PSME2: variants seen among roughly 807,000 people sequenced by gnomAD.
The protein encoded by PSME2 is proteasome activator complex subunit 2.
A neutral mutation model predicts 38.8 loss-of-function variants in PSME2; 20 were observed. The observed-to-expected ratio is 0.52, with a 90% confidence interval of 0.36 to 0.75. The LOEUF is 0.75. PSME2 is among the 30% of genes least tolerant of loss of function. PSME2 has a pLI of 0.00. For missense variants in PSME2, 227 were observed against 287.6 expected (o/e 0.79, Z 1.52); for synonymous variants, 82 against 102.5 (o/e 0.80, Z 1.21).
chr14:24,146,388 G>A, intron 1 of PSME2, 146 bp downstream of exon 1: 1 of 1,420,832 alleles, frequency 7.0e-7, no homozygotes, highest in Non-Finnish European at 9.8e-7. Context: ...GCAGTCAGAA[G>A]GCAGGAATCT....
chr14:24,146,483 T>TCC (rs750320567), intron 1 of PSME2, 51 bp downstream of exon 1: 1 of 1,611,534 alleles, frequency 6.2e-7, no homozygotes, highest in African/African-American at 1.3e-5. Flanking sequence ...CAGCTTGGCC[T>TCC]CCACCCAAGA....
Position 24,143,706 on chromosome 14 carries a change from T to C in PSME2, c.553-35A>G. 2 of 1,595,028 alleles carry C rather than the reference T, an allele frequency of 1.3e-6. No homozygotes were observed. Among genetic ancestry groups the C allele is most frequent in the Non-Finnish European group, 1.7e-6 (2 of 1,163,174 alleles). Reference sequence around the variant, plus strand: ...GGGAGGCAAAGCTGAGTCAGTCCCATGGGAGGCTGGGACATGAGTCTGGTT... The same window carrying C: ...GGGAGGCAAAGCTGAGTCAGTCCCACGGGAGGCTGGGACATGAGTCTGGTT... On this transcript the variant is annotated intron_variant, in intron 9 of 10. Transcript: ENST00000216802. This position sits in a 1 kb window ranked among gnomAD's most constrained non-coding sequence, Gnocchi z 4.4.
chr14:24,144,143 A>T, intron 8 of PSME2, 49 bp downstream of exon 8: 2 of 1,613,206 alleles, frequency 1.2e-6, no homozygotes, highest in Non-Finnish European at 1.7e-6. Context: ...TGGGGGTCCC[A>T]AAGAAATGCT....
rs1286545379 is a variant in PSME2, at chr14:24,146,556, A to C, written c.26T>G (p.Leu9Arg). MAKPCGVR[L>R]SGEARKQVEV... ...TACCTGTTTGCGGGCTTCCCCGCTC[A>C]GGCGCACCCCACACGGCTTGGCCAT... The change falls in exon 1 of 11, where the codon CTG becomes CGG. Residue 9 changes from leucine to arginine, a missense_variant. Coordinates refer to ENST00000216802, the MANE Select transcript of PSME2 (RefSeq NM_002818.3). 1 of 1,613,860 alleles carries C rather than the reference A, an allele frequency of 6.2e-7. No individual in the cohort carries two copies. The highest frequency in any genetic ancestry group is 8.5e-7 in the Non-Finnish European group (1 of 1,180,022).
Position 24,143,559 on chromosome 14 carries a change from C to CCACACTTAG in PSME2, c.639+25_639+26insCTAAGTGTG. 1 of 1,613,560 alleles carries CCACACTTAG rather than the reference C, an allele frequency of 6.2e-7. No homozygotes were observed. ...CCTGCCTGCCCCCACTCATCCACCT[C>CCACACTTAG]CCCTAAAGCCTTACTCCACACTCAC... On this transcript the variant is annotated intron_variant, in intron 10 of 10. Coordinates refer to ENST00000216802, the MANE Select transcript of PSME2 (RefSeq NM_002818.3). This position sits in a 1 kb window ranked among gnomAD's most constrained non-coding sequence, Gnocchi z 4.4.
intron 1 of PSME2, 93 bp from the exon 2 acceptor site, chr14:24,146,333 C>T: frequency 6.6e-7 from 1 of 1,516,026 alleles, no homozygotes; most frequent in Non-Finnish European, 9.1e-7. Context: ...GTGGCTCAGG[C>T]CTTTCTCACC....
At chr14:24,144,301 C>T (rs118166119) in intron 7 of PSME2, 42 bp from the exon 8 acceptor site, 32,753 of 1,612,448 alleles carry the variant, frequency 0.02, 396 homozygotes, top group Middle Eastern at 0.026. Context: ...TCATGTCCTC[C>T]CCATTTCATA....
In PSME2 at chr14:24,145,130, C is replaced by T; in HGVS notation, c.288G>A (p.Gly96=). The change falls in exon 6 of 11, where the codon GGG becomes GGA. Residue 96 remains glycine, a synonymous_variant. Transcript: ENST00000216802. ...KEVHKCGFLP[G]NEKVLSLLAL... Reference sequence around the variant, plus strand: ...CAAGCAGGGACAGGACTTTCTCATTCCCAGGGAGAAATCCACACTTATGGA... The same window carrying T: ...CAAGCAGGGACAGGACTTTCTCATTTCCAGGGAGAAATCCACACTTATGGA... 1 of 1,613,668 alleles carries T rather than the reference C, an allele frequency of 6.2e-7. No homozygotes were observed. The highest frequency in any genetic ancestry group is 8.5e-7 in the Non-Finnish European group (1 of 1,179,666).
chr14:24,145,221 A>G (rs779227996), intron 5 of PSME2, 22 bp downstream of exon 5: 1 of 1,613,626 alleles, frequency 6.2e-7, no homozygotes, highest in Non-Finnish European at 8.5e-7. Context: ...CCCCTTCCCT[A>G]GTCACCTCTT....
chr14:24,145,797 G>T (rs1196713295), intron 2 of PSME2, 25 bp from the exon 3 acceptor site: 12 of 1,599,962 alleles, frequency 7.5e-6, no homozygotes, highest in Middle Eastern at 1.7e-4. Context: ...GCAAGGGAGG[G>T]GAATCACAGA....
At position 24,146,363 on chromosome 14, in the gene PSME2, A is replaced by T. The variant is rs1423565568; in HGVS notation, c.49-123T>A. The T allele has an allele frequency of 4.8e-6, 7 of 1,453,256 alleles. No individual in the cohort carries two copies. In the Admixed American group the frequency reaches 1.2e-4, roughly 26 times the overall value. The allele number at this position is 1,453,256 out of a possible 1,614,324, so 90.0% of individuals were successfully genotyped here. ...CTCACCACAAACTAGCTTTCCCTGG[A>T]AGCTCCTGCTCACTGCAGTCAGAAG... On this transcript the variant is annotated intron_variant, in intron 1 of 10. Transcript: ENST00000216802.
chr14:24,143,981 A>G lies in PSME2; in HGVS notation c.546T>C (p.Thr182=), dbSNP rs2038114348. ...GDAVAKASKE[T]HVMDYRALVH... ...TGGTGGACTATCCACTCACTACATG[A>G]GTCTCCTTGGAGGCCTTGGCCACAG... Residue 182 remains threonine, a synonymous_variant, in exon 9 of 11, where the codon ACT becomes ACC. Transcript: ENST00000216802. This position sits in a 1 kb window ranked among gnomAD's most constrained non-coding sequence, Gnocchi z 4.4. 6.2e-7 allele frequency: 1 copy of G among 1,614,078 alleles called. No individual in the cohort carries two copies. Among genetic ancestry groups the G allele is most frequent in the East Asian group, 2.2e-5 (1 of 44,886 alleles).
chr14:24,146,535 T>G lies in PSME2; in HGVS notation c.47A>C (p.Gln16Pro). 6.2e-7 allele frequency: 1 copy of G among 1,613,986 alleles called. No individual in the cohort carries two copies. The highest frequency in any genetic ancestry group is 8.5e-7 in the Non-Finnish European group (1 of 1,180,022). ...TCCTGGCCTCCGATTCCCCATTACC[T>G]GTTTGCGGGCTTCCCCGCTCAGGCG... ...GVRLSGEARK[Q>P]VEVFRQNLFQ... Residue 16 changes from glutamine to proline, a missense_variant and splice_region_variant, in exon 1 of 11, where the codon CAG becomes CCG. This residue lies in a region of PSME2 where 80 missense variants were observed against 77.3 expected (regional missense o/e 1.04). Transcript: ENST00000216802.
At chr14:24,144,319 TTCC>T (rs1198413638) in intron 7 of PSME2, 60 bp from the exon 8 acceptor site, 8 of 1,608,928 alleles carry the variant, frequency 5.0e-6, no homozygotes, top group African/African-American at 1.3e-5. Context: ...ATACACTATC[TTCC>T]TCCTCCTCCT....
rs768753844 is a variant in PSME2, at chr14:24,145,264, C to G, written c.241G>C (p.Asp81His). ...TTACCTTCTTTCTTCTCCTGCTTAT[C>G]TGTTTCCATCTAAGGCAAAAAGGGG... ...PPPKDDEMET[D>H]KQEKKEVHKC... The change falls in exon 5 of 11, where the codon GAT (aspartate) becomes CAT (histidine). Residue 81 changes from aspartate to histidine, a missense_variant. Transcript: ENST00000216802. 1.2e-5 allele frequency: 19 copies of G among 1,613,916 alleles called. No homozygotes were observed. In the East Asian group the frequency reaches 4.2e-4, roughly 36 times the overall value.
At chr14:24,145,848 C>A (rs1365679163) in intron 2 of PSME2, 76 bp from the exon 3 acceptor site, 3 of 1,468,702 alleles carry the variant, frequency 2.0e-6, no homozygotes, top group Non-Finnish European at 2.9e-6. Context: ...ACTGGAAGGG[C>A]CTTTGGAAAT....
In PSME2 at chr14:24,145,061, A is replaced by C; in HGVS notation, c.357T>G (p.Ile119Met). The C allele has an allele frequency of 6.2e-7, 1 of 1,611,592 alleles. No homozygotes were observed. The highest frequency in any genetic ancestry group is 8.5e-7 in the Non-Finnish European group (1 of 1,177,748). ...PEVWTLKEKC[I>M]LVITWIQHLI... is the part of the protein sequence containing the mutation. The stretch of plus-strand genomic sequence containing the variant: ...TTCCCCCATTTCCCAGGCTTACCAG[A>C]ATGCATTTCTCTTTGAGAGTCCAGA... The change falls in exon 6 of 11, where the codon ATT becomes ATG. Residue 119 changes from isoleucine to methionine, a missense_variant. Around this residue, in one of 3 missense-constraint regions of PSME2, gnomAD observed 48 missense variants for 96.4 expected, o/e 0.50. Transcript: ENST00000216802.
At chr14:24,146,421 C>T in intron 1 of PSME2, 113 bp downstream of exon 1, 1 of 1,472,218 alleles carries the variant, frequency 6.8e-7, no homozygotes, top group Non-Finnish European at 9.4e-7. Flanking sequence ...GAAGTGAAGG[C>T]ACTAGCGAGA....
Position 24,143,968 on chromosome 14 carries a change from C to T in PSME2, c.552+7G>A. The T allele has an allele frequency of 6.2e-7, 1 of 1,613,494 alleles. No individual in the cohort carries two copies. The highest frequency in any genetic ancestry group is 8.5e-7 in the Non-Finnish European group (1 of 1,179,468). On this transcript the variant is annotated splice_region_variant and intron_variant, in intron 9 of 10. Transcript: ENST00000216802. The surrounding 1 kb of genome is among the most constrained non-coding windows in gnomAD (Gnocchi z 4.4). ...CCAGCTAAAAGGCTGGTGGACTATC[C>T]ACTCACTACATGAGTCTCCTTGGAG...
Sources: allele counts gnomAD v4.1 joint callset, GRCh38; gene constraint gnomAD v4.1.1; regional missense constraint gnomAD v4.1.1; non-coding constraint Gnocchi (gnomAD v3.1); transcripts MANE v1.5; gene names NCBI Gene and HGNC (gene_info 2026-07-23, HGNC 2026-07-21).